The following DYNC2H1 variants were observed in gnomAD, a reference collection of about 807,000 sequenced individuals.
DYNC2H1 encodes cytoplasmic dynein 2 heavy chain 1.
In DYNC2H1, 410 loss-of-function variants were observed where a neutral mutation model predicts 570.0. The observed-to-expected ratio is 0.72, with a 90% CI of 0.66 to 0.78. The LOEUF is 0.78. Ranked by LOEUF, DYNC2H1 falls within the 30% of genes least tolerant of loss-of-function variation. The pLI is 0.00. For missense variants in DYNC2H1, 4,865 were observed against 5,046.4 expected, an observed-to-expected ratio of 0.96 and a Z score of 1.09; for synonymous variants, 1,688 against 1,677.6, an observed-to-expected ratio of 1.01 and a Z score of -0.15.
Position 103,170,407 on chromosome 11 carries a change from G to A in DYNC2H1, c.5151+117G>A. On this transcript the variant is annotated intron_variant, in intron 33 of 88. Transcript: ENST00000375735. This position sits in a 1 kb window ranked among gnomAD's most constrained non-coding sequence, Gnocchi z 4.8. ...ACTACATTTAAATTAGTTGAAGACA[G>A]AATTTGTTTAAATTGAAATGTAAAA... is the stretch of plus-strand genomic sequence containing the variant. 2.8e-6 allele frequency: 3 copies of A among 1,084,130 alleles called. No homozygotes were observed. The highest frequency in any genetic ancestry group is 3.8e-6 in the Non-Finnish European group (3 of 798,796). 67.2% of individuals were successfully genotyped at this position (1,084,130 alleles called of 1,614,324 possible).
intron 17 of DYNC2H1, among the ~76,000 whole-genome samples, chr11:103,142,307 C>T (rs945676405): frequency 1.6e-4 from 25 of 152,308 alleles, no homozygotes; most frequent in African/African-American, 2.2e-4. Flanking sequence ...GCGTCGCCCA[C>T]GCTGGGAACT....
Position 103,145,819 on chromosome 11 carries a change from C to T in DYNC2H1, c.2703-1953C>T, listed in dbSNP as rs929081785. 1.3e-5 allele frequency among the ~76,000 whole-genome samples: 2 copies of T among 152,142 alleles called. No individual in the cohort carries two copies. Among genetic ancestry groups the T allele is most frequent in the Non-Finnish European group, 2.9e-5 (2 of 68,026 alleles). On this transcript the variant is annotated intron_variant, in intron 18 of 88. Transcript: ENST00000375735. This position sits in a 1 kb window ranked among gnomAD's most constrained non-coding sequence, Gnocchi z 4.2. Reference sequence around the variant, plus strand: ...ATAATGAGTCATCTTCCATTTCTATCTATGGCTGAACAGAATCTCAGTTTC... The same window carrying T: ...ATAATGAGTCATCTTCCATTTCTATTTATGGCTGAACAGAATCTCAGTTTC...
chr11:103,464,746 T>C (rs890049178), intron 87 of DYNC2H1, among the ~76,000 whole-genome samples: 2 of 152,154 alleles, frequency 1.3e-5, no homozygotes, highest in African/African-American at 4.8e-5. Context: ...TAAGAGACTT[T>C]AGGAACCCAA....
intron 31 of DYNC2H1, among the ~76,000 whole-genome samples, chr11:103,166,894 A>G (rs1861329992): frequency 6.7e-6 from 1 of 149,450 alleles, no homozygotes; most frequent in African/African-American, 2.5e-5. Flanking sequence ...TTCTTCAAAC[A>G]TTCTTCCTGT....
chr11:103,263,023 A>C (rs1865366818), intron 70 of DYNC2H1, among the ~76,000 whole-genome samples: 1 of 58,506 alleles, frequency 1.7e-5, no homozygotes, highest in Admixed American at 1.5e-4. Flanking sequence ...AATGGAAAGC[A>C]AAAAAAAAAA....
chr11:103,256,042 G>C lies in DYNC2H1; in HGVS notation c.10327-64G>C. The C allele has an allele frequency of 1.4e-6, 2 of 1,381,612 alleles. No individual in the cohort carries two copies. The highest frequency in any genetic ancestry group is 1.4e-5 in the South Asian group (1 of 69,034). The allele number at this position is 1,381,612 out of a possible 1,614,324, so 85.6% of individuals were successfully genotyped here. ...CATCAAATGAATGACAGTTAATATG[G>C]GTTTGCTTTAATTGGTTATTTTTAT... On this transcript the variant is annotated intron_variant, in intron 67 of 88. Transcript: ENST00000375735. The surrounding 1 kb of genome is among the most constrained non-coding windows in gnomAD (Gnocchi z 4.0).
At chr11:103,464,397 A>G (rs1365522516) in intron 87 of DYNC2H1, among the ~76,000 whole-genome samples, 1 of 152,222 alleles carries the variant, frequency 6.6e-6, no homozygotes. Flanking sequence ...ACCTATTTCT[A>G]AAAGGATTTC....
At chr11:103,409,162 C>T (rs912419494) in intron 84 of DYNC2H1, among the ~76,000 whole-genome samples, 5 of 151,910 alleles carry the variant, frequency 3.3e-5, no homozygotes, top group Non-Finnish European at 1.5e-5. Flanking sequence ...TAAGATTTGC[C>T]GAGTTCCTTT....
Position 103,228,916 on chromosome 11 carries a change from G to A in DYNC2H1, c.9354-2344G>A, listed in dbSNP as rs140267656. ...TTTGGTGGGGCTTGTTGTGGCTGCTGTGGGGGAGGGGGGTGTGGTTTCCAG... is the reference window on the plus strand; with the variant it reads ...TTTGGTGGGGCTTGTTGTGGCTGCTATGGGGGAGGGGGGTGTGGTTTCCAG... On this transcript the variant is annotated intron_variant, in intron 59 of 88. Coordinates refer to ENST00000375735, the MANE Select transcript of DYNC2H1 (RefSeq NM_001377.3). This position sits in a 1 kb window ranked among gnomAD's most constrained non-coding sequence, Gnocchi z 6.1. Among the ~76,000 whole-genome samples, 242 of 152,226 alleles carry A rather than the reference G, an allele frequency of 1.6e-3. 2 individuals are homozygous for A. The highest frequency in any genetic ancestry group is 5.7e-3 in the African/African-American group (235 of 41,540).
intron 2 of DYNC2H1, 55 bp downstream of exon 2, chr11:103,113,762 A>T: frequency 7.6e-7 from 1 of 1,317,706 alleles, no homozygotes; most frequent in African/African-American, 1.6e-5. Flanking sequence ...AAATGTTTTC[A>T]TATAAACATA....
intron 79 of DYNC2H1, among the ~76,000 whole-genome samples, chr11:103,313,429 T>C (rs1867685686): frequency 6.6e-6 from 1 of 152,214 alleles, no homozygotes; most frequent in South Asian, 2.1e-4. Flanking sequence ...TGCATCACTC[T>C]TCCATCTTTA....
chr11:103,154,860 A>G lies in DYNC2H1; in HGVS notation c.3573+51A>G, dbSNP rs371940046. On this transcript the variant is annotated intron_variant, in intron 24 of 88. Coordinates refer to ENST00000375735, the MANE Select transcript of DYNC2H1 (RefSeq NM_001377.3). ...ATTAAAAACAATGTTTGGAGCTTTC[A>G]TCTTATGTAGTGACTGAACTATATA... 110 of 1,356,034 alleles carry G rather than the reference A, an allele frequency of 8.1e-5. No individual in the cohort carries two copies. The African/African-American group carries it at 1.4e-3, about 18-fold the overall frequency. 84.0% of individuals were successfully genotyped at this position (1,356,034 alleles called of 1,614,324 possible). A position where few individuals can be genotyped will look rare whatever the true frequency, so the allele number is the denominator to read the frequency against.
chr11:103,214,304 T>C (rs1452465852), intron 54 of DYNC2H1, among the ~76,000 whole-genome samples: 1 of 152,188 alleles, frequency 6.6e-6, no homozygotes, highest in Non-Finnish European at 1.5e-5. Flanking sequence ...CTATTCAGGC[T>C]CTTTTGTGGT....
rs951134762 is a variant in DYNC2H1, at chr11:103,201,252, C to T, written c.8197+1098C>T. On this transcript the variant is annotated intron_variant, in intron 50 of 88. Transcript: ENST00000375735. This position sits in a 1 kb window ranked among gnomAD's most constrained non-coding sequence, Gnocchi z 4.8. ...AAAGAGGACTATCTTAATACAAATA[C>T]TCTCTAGAAATTTATGGCTAAGTGG... Among the ~76,000 whole-genome samples the T allele has an allele frequency of 1.3e-5, 2 of 152,118 alleles. No homozygotes were observed. The highest frequency in any genetic ancestry group is 2.1e-4 in the South Asian group (1 of 4,828).
intron 88 of DYNC2H1, among the ~76,000 whole-genome samples, chr11:103,473,403 G>A (rs1945454903): frequency 1.3e-5 from 2 of 151,112 alleles, no homozygotes. Context: ...AGTATTTTTG[G>A]TTAAATTAAT....
chr11:103,352,209 G>T (rs1940088665), intron 82 of DYNC2H1, among the ~76,000 whole-genome samples: 1 of 151,488 alleles, frequency 6.6e-6, no homozygotes, highest in Non-Finnish European at 1.5e-5. Flanking sequence ...CCAACTTTTG[G>T]CTTTTTAAAA....
At chr11:103,386,867 G>T (rs922990783) in intron 83 of DYNC2H1, among the ~76,000 whole-genome samples, 1 of 151,820 alleles carries the variant, frequency 6.6e-6, no homozygotes, top group Non-Finnish European at 1.5e-5. Flanking sequence ...TCCATGGTGT[G>T]TATGTGCCAC....
chr11:103,369,139 A>T lies in DYNC2H1; in HGVS notation c.12156+10780A>T, dbSNP rs1156934009. ...TGTCTCCAAGCAGCAGTGGCATGGC[A>T]TGGAGAGCGTTTTGGTGCACTGGGG... On this transcript the variant is annotated intron_variant, in intron 83 of 88. Coordinates refer to ENST00000375735, the MANE Select transcript of DYNC2H1 (RefSeq NM_001377.3). The surrounding 1 kb of genome is among the most constrained non-coding windows in gnomAD (Gnocchi z 4.0). 6.6e-6 allele frequency among the ~76,000 whole-genome samples: 1 copy of T among 152,134 alleles called. No individual in the cohort carries two copies. The highest frequency in any genetic ancestry group is 1.5e-5 in the Non-Finnish European group (1 of 68,016).
At chr11:103,128,534 A>G (rs541355271) in intron 12 of DYNC2H1, among the ~76,000 whole-genome samples, 52 of 152,374 alleles carry the variant, frequency 3.4e-4, no homozygotes, top group African/African-American at 1.2e-3. Context: ...TGAATAAATT[A>G]TTGTAGCATA....
Sources: allele counts gnomAD v4.1 joint callset (sites outside exome capture counted in the v4.1 genomes callset), GRCh38; gene constraint gnomAD v4.1.1; non-coding constraint Gnocchi (gnomAD v3.1); transcripts MANE v1.5; gene names NCBI Gene and HGNC (gene_info 2026-07-23, HGNC 2026-07-21).